Variants in CA4 observed in about 807,000 individuals in gnomAD.
CA4 encodes the protein carbonic anhydrase 4, also known as CA-IV.
Under a neutral mutation model 34.5 loss-of-function variants are expected in CA4, and 24 were observed. That is an observed-to-expected ratio of 0.70 (90% CI 0.50 to 0.98). The LOEUF is 0.98. Ranked by LOEUF, CA4 falls within the 50% of genes least tolerant of loss-of-function variation. The pLI, the probability that CA4 is intolerant of heterozygous loss-of-function variation, is 0.00. For missense variants in CA4, 394 were observed against 396.7 expected (o/e 0.99, Z 0.06); for synonymous variants, 178 against 170.6 (o/e 1.04, Z -0.34).
At chr17:60,165,515 G>C (rs138545694) in intron 5 of CA4, among the ~76,000 whole-genome samples, 6 of 152,274 alleles carry the variant, frequency 3.9e-5, no homozygotes, top group African/African-American at 1.4e-4. Flanking sequence ...TCTCGGCCAG[G>C]GCTCCTCCTG....
the CA4 span, among the ~76,000 whole-genome samples, chr17:60,177,226 G>A: frequency 6.6e-6 from 1 of 152,188 alleles, no homozygotes; most frequent in East Asian, 1.9e-4. Flanking sequence ...AGGAAAAACG[G>A]CACATGGAGG....
rs750262929 is a variant in CA4, at chr17:60,149,987, C to T, written c.-48C>T. On this transcript the variant is annotated 5_prime_UTR_variant, in exon 1 of 8. Transcript: ENST00000300900. ...AGGATCGCTGCACCCGCGGCGGCCT[C>T]CTCGGTGCGCGACCCCCGGCTCAGA... 3.2e-5 allele frequency: 49 copies of T among 1,534,732 alleles called. No homozygotes were observed. The highest frequency in any genetic ancestry group is 4.2e-5 in the Non-Finnish European group (47 of 1,123,676).
Position 60,157,627 on chromosome 17 carries a change from T to A in CA4, c.414+55T>A, listed in dbSNP as rs577889019. 5.0e-6 allele frequency: 8 copies of A among 1,613,922 alleles called. No individual in the cohort carries two copies. The Admixed American group carries it at 6.7e-5, about 13-fold the overall frequency. ...TCTGGGCTCTGGGCGCGCACCTGCCTTGGGCAAGGAGGGTAGTCCAGGCCC... is the reference window on the plus strand; with the variant it reads ...TCTGGGCTCTGGGCGCGCACCTGCCATGGGCAAGGAGGGTAGTCCAGGCCC... On this transcript the variant is annotated intron_variant, in intron 4 of 7. Coordinates refer to ENST00000300900, the MANE Select transcript of CA4 (RefSeq NM_000717.5).
the CA4 span, among the ~76,000 whole-genome samples, chr17:60,178,568 G>C: frequency 8.0e-4 from 121 of 152,174 alleles, 1 homozygote; most frequent in Non-Finnish European, 1.2e-3. Flanking sequence ...CAAGGCTCTG[G>C]GTGGAAGGCA....
Position 60,157,722 on chromosome 17 carries a change from A to G in CA4, c.447A>G (p.Thr149=), listed in dbSNP as rs367637155. 4.3e-6 allele frequency: 7 copies of G among 1,614,010 alleles called. No homozygotes were observed. In the African/African-American group the frequency reaches 9.3e-5, roughly 22 times the overall value. Residue 149 remains threonine (T), a synonymous_variant, in exon 5 of 8, where the codon ACA becomes ACG. Coordinates refer to ENST00000300900, the MANE Select transcript of CA4 (RefSeq NM_000717.5). ...MHIVHEKEKG[T]SRNVKEAQDP... is the part of the protein sequence containing the mutation. ...TAGTACATGAGAAAGAGAAGGGGAC[A>G]TCGAGGAATGTGAAAGAGGCCCAGG... is the stretch of plus-strand genomic sequence containing the variant.
At chr17:60,152,568 C>T (rs1007650831) in intron 1 of CA4, among the ~76,000 whole-genome samples, 8 of 152,148 alleles carry the variant, frequency 5.3e-5, no homozygotes, top group Admixed American at 1.3e-4. Flanking sequence ...GGCTGTGAGG[C>T]GAGTTACAGG....
chr17:60,176,968 G>A, the CA4 span, among the ~76,000 whole-genome samples: 2 of 152,158 alleles, frequency 1.3e-5, no homozygotes, highest in Admixed American at 1.3e-4. Context: ...GTGGTAATGG[G>A]AGCAAGGGGG....
chr17:60,160,715 C>T (rs1372832896), downstream of CA4, among the ~76,000 whole-genome samples: 3 of 143,578 alleles, frequency 2.1e-5, no homozygotes, highest in East Asian at 6.3e-4. Context: ...TGAACCACTG[C>T]ACTCCAACCT....
chr17:60,167,291 C>T (rs942566460), intron 5 of CA4, among the ~76,000 whole-genome samples: 1 of 152,174 alleles, frequency 6.6e-6, no homozygotes, highest in African/African-American at 2.4e-5. Flanking sequence ...TGTGTGCTGA[C>T]CCTAGCCCTG....
At chr17:60,175,504 G>C (rs2083952255), downstream of CA4, among the ~76,000 whole-genome samples, 1 of 150,850 alleles carries the variant, frequency 6.6e-6, no homozygotes, top group Non-Finnish European at 1.5e-5. Flanking sequence ...GGGAGGTTGA[G>C]GCTGCAGTGA....
chr17:60,157,900 C>T, intron 5 of CA4, 112 bp downstream of exon 5: 1 of 1,518,988 alleles, frequency 6.6e-7, no homozygotes. Flanking sequence ...ACTCCAACTT[C>T]CGCCTCTGTT....
chr17:60,157,591 C>G lies in CA4; in HGVS notation c.414+19C>G. 1 of 1,614,210 alleles carries G rather than the reference C, an allele frequency of 6.2e-7. No homozygotes were observed. Among genetic ancestry groups the G allele is most frequent in the South Asian group, 1.1e-5 (1 of 91,088 alleles). ...CATGGAGGTGAGGGCCCCTTCCCGA[C>G]TGGGACCTTGTCTGGGCTCTGGGCG... On this transcript the variant is annotated intron_variant, in intron 4 of 7. Transcript: ENST00000300900.
At chr17:60,150,669 A>AAAAGAAAG (rs2083575242) in intron 1 of CA4, among the ~76,000 whole-genome samples, 1 of 137,512 alleles carries the variant, frequency 7.3e-6, no homozygotes, top group African/African-American at 3.0e-5. Context: ...AAAAAAAAAA[A>AAAAGAAAG]AAAAAAAAAA....
intron 3 of CA4, 132 bp downstream of exon 3, chr17:60,156,847 G>A (rs2083695114): frequency 1.2e-6 from 1 of 822,794 alleles, no homozygotes; most frequent in Non-Finnish European, 2.1e-6. Flanking sequence ...AAATCCCATG[G>A]GGGAGGACAG....
chr17:60,156,529 G>A (rs539568310), intron 2 of CA4, 31 bp from the exon 3 acceptor site: 67 of 1,613,416 alleles, frequency 4.2e-5, no homozygotes, highest in South Asian at 3.7e-4. Flanking sequence ...CCAGGCACCC[G>A]ACTCTCAGCC....
At chr17:60,150,624 C>T (rs1345247856) in intron 1 of CA4, among the ~76,000 whole-genome samples, 3 of 131,960 alleles carry the variant, frequency 2.3e-5, no homozygotes. Flanking sequence ...AGTGAGATCA[C>T]GCCACTGCAC....
At chr17:60,168,933 G>T (rs1428633129) in intron 5 of CA4, among the ~76,000 whole-genome samples, 5 of 152,142 alleles carry the variant, frequency 3.3e-5, no homozygotes, top group Admixed American at 1.3e-4. Flanking sequence ...GCTATAACCA[G>T]GAAAACACAG....
At chr17:60,156,366 G>A (rs924463331) in intron 2 of CA4, among the ~76,000 whole-genome samples, 194 bp from the exon 3 acceptor site, 2 of 152,058 alleles carry the variant, frequency 1.3e-5, no homozygotes, top group Non-Finnish European at 2.9e-5. Flanking sequence ...TGTTTCTGTG[G>A]AGGAGGAGGA....
chr17:60,157,549 G>T lies in CA4; in HGVS notation c.391G>T (p.Asp131Tyr), dbSNP rs370640952. 1.5e-5 allele frequency: 24 copies of T among 1,614,190 alleles called. No individual in the cohort carries two copies. The highest frequency in any genetic ancestry group is 2.0e-5 in the Non-Finnish European group (24 of 1,180,030). The change falls in exon 4 of 8, where the codon GAT becomes TAT. Residue 131 changes from aspartate to tyrosine, a missense_variant. Asp to Tyr is a radical substitution (Grantham distance 160). Coordinates refer to ENST00000300900, the MANE Select transcript of CA4 (RefSeq NM_000717.5). ...ATATAAGGGCTCGGAGCACAGCCTC[G>T]ATGGGGAGCACTTTGCCATGGAGGT... ...LPYKGSEHSL[D>Y]GEHFAMEMHI...
Sources: allele counts gnomAD v4.1 joint callset (sites outside exome capture counted in the v4.1 genomes callset), GRCh38; gene constraint gnomAD v4.1.1; transcripts MANE v1.5; gene names NCBI Gene and HGNC (gene_info 2026-07-23, HGNC 2026-07-21).